The following PITPNM2 variants were observed in gnomAD, a reference collection of about 807,000 sequenced individuals.
The protein encoded by PITPNM2 is membrane-associated phosphatidylinositol transfer protein 2.
In PITPNM2, 35 loss-of-function variants were observed where a neutral mutation model predicts 132.2. The observed-to-expected ratio is 0.26, with a 90% CI of 0.20 to 0.35. The LOEUF is 0.35. Among genes scored for constraint, PITPNM2 ranks in the 10% least tolerant of loss-of-function variants. PITPNM2 has a pLI of 1.00. For missense variants in PITPNM2, 1,332 were observed against 1,912.0 expected (o/e 0.70, Z 5.66); for synonymous variants, 738 against 799.2 (o/e 0.92, Z 1.29).
At position 122,986,502 on chromosome 12, in the gene PITPNM2, A is replaced by G. The variant is rs1342109149; in HGVS notation, c.3660T>C (p.Ile1220=). ...STKDVAVYSA[I]SLSPMQIYIV... ...TGTAGATCTGCATGGGGGACAGGCT[A>G]ATGGCGCTGTACACCGCCACGTCCT... The change falls in exon 25 of 26, where the codon ATT becomes ATC. Residue 1220 remains isoleucine (I), a synonymous_variant. Coordinates refer to ENST00000320201, the MANE Select transcript of PITPNM2 (RefSeq NM_020845.3). 6.3e-7 allele frequency: 1 copy of G among 1,593,176 alleles called. No homozygotes were observed. Among genetic ancestry groups the G allele is most frequent in the East Asian group, 2.3e-5 (1 of 43,992 alleles).
At position 123,119,355 on chromosome 12, in the gene PITPNM2, A is replaced by ACTTTTTTTTTTTTTT. The variant is rs762896348; in HGVS notation, c.-199-8868_-199-8867insAAAAAAAAAAAAAAG. ...CTATCTAGAAGCATAGAGGATGGTG[A>ACTTTTTTTTTTTTTT]TTTTTTTTTTTTTTTTTTTTGAGAC... is the stretch of plus-strand genomic sequence containing the variant. On this transcript the variant is annotated intron_variant, in intron 1 of 25. Transcript: ENST00000320201. 3.1e-5 allele frequency among the ~76,000 whole-genome samples: 4 copies of ACTTTTTTTTTTTTTT among 129,306 alleles called. 2 individuals are homozygous for ACTTTTTTTTTTTTTT. The highest frequency in any genetic ancestry group is 1.1e-4 in the African/African-American group (4 of 35,422). 84.8% of individuals were successfully genotyped at this position (129,306 alleles called of 152,430 possible). A position where few individuals can be genotyped will look rare whatever the true frequency, so the allele number is the denominator to read the frequency against.
At chr12:123,055,974 T>G (rs897159333) in intron 2 of PITPNM2, among the ~76,000 whole-genome samples, 4 of 152,160 alleles carry the variant, frequency 2.6e-5, no homozygotes, top group African/African-American at 9.7e-5. Flanking sequence ...TTTTATGATG[T>G]GTTCATACTC....
chr12:123,074,045 C>T (rs1566279332), intron 2 of PITPNM2, among the ~76,000 whole-genome samples: 1 of 152,134 alleles, frequency 6.6e-6, no homozygotes, highest in Admixed American at 6.5e-5. Flanking sequence ...CGGTGCAGAG[C>T]AGGTTGCATG....
At chr12:123,048,334 T>C (rs1488399860) in intron 2 of PITPNM2, among the ~76,000 whole-genome samples, 2 of 151,540 alleles carry the variant, frequency 1.3e-5, no homozygotes, top group Non-Finnish European at 2.9e-5. Flanking sequence ...AGTAGTCAAA[T>C]TCATAGAGAC....
At chr12:123,094,490 T>C (rs1446822553) in intron 2 of PITPNM2, among the ~76,000 whole-genome samples, 3 of 152,230 alleles carry the variant, frequency 2.0e-5, no homozygotes, top group South Asian at 2.1e-4. Context: ...CACAATGCCA[T>C]GGAAGTCTCC....
rs1209726406 is a variant in PITPNM2, at chr12:123,111,991, C to A, written c.-199-1503G>T. The stretch of plus-strand genomic sequence containing the variant: ...CAATGGCGAGCCAGATTTGGTAGAC[C>A]AGCCCCGCTCCAGCCCACCACAATG... On this transcript the variant is annotated intron_variant, in intron 1 of 25. Coordinates refer to ENST00000320201, the MANE Select transcript of PITPNM2 (RefSeq NM_020845.3). This position sits in a 1 kb window ranked among gnomAD's most constrained non-coding sequence, Gnocchi z 4.1. 6.6e-6 allele frequency among the ~76,000 whole-genome samples: 1 copy of A among 152,086 alleles called. No homozygotes were observed. The highest frequency in any genetic ancestry group is 1.9e-4 in the East Asian group (1 of 5,188).
intron 1 of PITPNM2, among the ~76,000 whole-genome samples, chr12:123,126,035 A>T (rs2043134335): frequency 1.3e-5 from 2 of 150,446 alleles, no homozygotes; most frequent in Admixed American, 1.3e-4. Flanking sequence ...ACGCCCAGCT[A>T]ATTTTTTGTA....
At chr12:123,105,415 G>C (rs2137277123) in intron 2 of PITPNM2, 1 of 152,312 alleles carries the variant, frequency 6.6e-6, no homozygotes, top group Non-Finnish European at 1.5e-5. Context: ...CTGCTGAAAT[G>C]AAGAGTCAAG....
At chr12:123,066,341 G>A (rs2041412112) in intron 2 of PITPNM2, among the ~76,000 whole-genome samples, 1 of 152,188 alleles carries the variant, frequency 6.6e-6, no homozygotes, top group Non-Finnish European at 1.5e-5. Context: ...GGCAGGGGCA[G>A]AGGGTGAGGG....
chr12:123,032,619 G>A lies in PITPNM2; in HGVS notation c.78+1894C>T, dbSNP rs374230320. Among the ~76,000 whole-genome samples, 208 of 152,274 alleles carry A rather than the reference G, an allele frequency of 1.4e-3. 2 individuals are homozygous for A. In the South Asian group the frequency reaches 0.022, roughly 16 times the overall value. ...AGTCCTCCCGATCTTGACAGCCACC[G>A]GGAGGCCAGGTGGAGCTGAGGGGCT... On this transcript the variant is annotated intron_variant, in intron 3 of 25. Transcript: ENST00000320201.
In PITPNM2 at chr12:123,078,573, C is replaced by A. The variant is rs1334428883; in HGVS notation, c.-96+31812G>T. Among the ~76,000 whole-genome samples the A allele has an allele frequency of 6.6e-6, 1 of 152,212 alleles. No individual in the cohort carries two copies. The highest frequency in any genetic ancestry group is 6.5e-5 in the Admixed American group (1 of 15,286). ...GCGTTGTGGATTTCCACCTGCCCGG[C>A]CTCCCTGTTTCTAAAAATCTGTTGC... is the stretch of plus-strand genomic sequence containing the variant. On this transcript the variant is annotated intron_variant, in intron 2 of 25. Transcript: ENST00000320201. This position sits in a 1 kb window ranked among gnomAD's most constrained non-coding sequence, Gnocchi z 7.3.
intron 1 of PITPNM2, among the ~76,000 whole-genome samples, chr12:123,144,189 G>A (rs2137690588): frequency 6.6e-6 from 1 of 152,308 alleles, no homozygotes; most frequent in East Asian, 1.9e-4. Context: ...GGAAACACGT[G>A]TCCTTTTTGT....
chr12:123,001,279 C>T (rs980438935), intron 8 of PITPNM2, 121 bp from the exon 9 acceptor site: 84 of 693,590 alleles, frequency 1.2e-4, no homozygotes, highest in Non-Finnish European at 2.0e-4. Context: ...GACGGCCACA[C>T]AGCCCCACAC....
At position 122,987,795 on chromosome 12, in the gene PITPNM2, G is replaced by T. The variant is rs2038000915; in HGVS notation, c.3104C>A (p.Thr1035Asn). ...MYGPLDMVTL[T>N]GEKVDVHIMT... is the part of the protein sequence containing the mutation. Reference sequence around the variant, plus strand: ...CCGCCGTGTCCTTACCTTCTCCCCAGTCAGGGTGACCATGTCCAGGGGCCC... The same window carrying T: ...CCGCCGTGTCCTTACCTTCTCCCCATTCAGGGTGACCATGTCCAGGGGCCC... The change falls in exon 21 of 26, where the codon ACT becomes AAT. Residue 1035 changes from threonine (T) to asparagine (N), a missense_variant. Physicochemically the swap from Thr to Asn is moderately conservative, Grantham distance 65 (BLOSUM62 0). This residue lies in a region of PITPNM2 where 251 missense variants were observed against 472.0 expected (regional missense o/e 0.53). Transcript: ENST00000320201. 1.9e-6 allele frequency: 3 copies of T among 1,613,848 alleles called. No individual in the cohort carries two copies. Among genetic ancestry groups the T allele is most frequent in the African/African-American group, 1.3e-5 (1 of 74,922 alleles).
At chr12:123,038,429 G>A (rs1394126361) in intron 2 of PITPNM2, among the ~76,000 whole-genome samples, 2 of 152,156 alleles carry the variant, frequency 1.3e-5, no homozygotes, top group African/African-American at 4.8e-5. Flanking sequence ...AAAAGCCCCT[G>A]TATCTGCTGA....
At chr12:123,062,635 A>C (rs2041279483) in intron 2 of PITPNM2, among the ~76,000 whole-genome samples, 1 of 152,226 alleles carries the variant, frequency 6.6e-6, no homozygotes, top group South Asian at 2.1e-4. Context: ...CAATAAACAA[A>C]TACATTGAAC....
intron 1 of PITPNM2, among the ~76,000 whole-genome samples, chr12:123,149,040 C>T (rs1340193468): frequency 6.6e-6 from 1 of 152,096 alleles, no homozygotes; most frequent in Non-Finnish European, 1.5e-5. Flanking sequence ...TAGACAGGAC[C>T]CAGATCCCAG....
chr12:123,013,242 G>A (rs2039285369), intron 4 of PITPNM2, among the ~76,000 whole-genome samples: 1 of 152,228 alleles, frequency 6.6e-6, no homozygotes, highest in Non-Finnish European at 1.5e-5. Flanking sequence ...GGAGCCCCAG[G>A]AGATTTGTGG....
At chr12:123,029,407 G>A (rs1379024460) in intron 3 of PITPNM2, among the ~76,000 whole-genome samples, 1 of 152,174 alleles carries the variant, frequency 6.6e-6, no homozygotes, top group African/African-American at 2.4e-5. Context: ...CCAACATGGC[G>A]AAAGCCCATC....
Sources: gnomAD v4.1 joint callset for allele counts (sites outside exome capture counted in the v4.1 genomes callset) on GRCh38, gnomAD v4.1.1 for gene constraint, gnomAD v4.1.1 regional missense constraint, Gnocchi (gnomAD v3.1) non-coding constraint, MANE v1.5 for transcripts, NCBI Gene and HGNC (gene_info 2026-07-23, HGNC 2026-07-21) for gene names.